PTGES3: variants seen among roughly 807,000 people sequenced by gnomAD.
The protein encoded by PTGES3 is Hsp90 co-chaperone.
A neutral mutation model predicts 29.9 loss-of-function variants in PTGES3; 5 were observed. That is an observed-to-expected ratio of 0.17 (90% CI 0.09 to 0.35). The LOEUF is 0.35. Ranked by LOEUF, PTGES3 falls within the 10% of genes least tolerant of loss-of-function variation. PTGES3 has a pLI of 1.00. For missense variants in PTGES3, 128 were observed against 190.0 expected, an observed-to-expected ratio of 0.67 and a Z score of 1.92; for synonymous variants, 49 against 57.8, an observed-to-expected ratio of 0.85 and a Z score of 0.69.
intron 6 of PTGES3, chr12:56,665,404 C>A (rs879661318): frequency 1.2e-6 from 1 of 861,866 alleles, no homozygotes; most frequent in Non-Finnish European, 1.4e-6. Context: ...AAGCGATTCT[C>A]CTGCCTCAGC....
Position 56,688,262 on chromosome 12 carries a change from G to A in PTGES3, c.-263C>T, listed in dbSNP as rs898605668. ...GCGAGGACGGAGAATGAACGTGCGT[G>A]CGTGCAAACGAGGGGTGGTGAGGCC... is the stretch of plus-strand genomic sequence containing the variant. On this transcript the variant is annotated 5_prime_UTR_variant, in exon 1 of 8. Transcript: ENST00000262033. 3 of 556,820 alleles carry A rather than the reference G, an allele frequency of 5.4e-6. No individual in the cohort carries two copies. The highest frequency in any genetic ancestry group is 8.1e-5 in the Admixed American group (2 of 24,714). The allele number at this position is 556,820 out of a possible 1,614,324, so 34.5% of individuals were successfully genotyped here.
At chr12:56,676,291 T>A (rs1050815428) in intron 1 of PTGES3, among the ~76,000 whole-genome samples, 1 of 151,028 alleles carries the variant, frequency 6.6e-6, no homozygotes, top group African/African-American at 2.4e-5. Flanking sequence ...AGAAGGCTTA[T>A]TTTTTTTCAC....
intron 1 of PTGES3, among the ~76,000 whole-genome samples, chr12:56,680,757 A>G (rs1213040390): frequency 6.8e-6 from 1 of 146,722 alleles, no homozygotes; most frequent in Non-Finnish European, 1.5e-5. Flanking sequence ...CCCTCCACCC[A>G]CTTGTAGTTT....
At chr12:56,674,733 G>A (rs1204705910) in intron 1 of PTGES3, among the ~76,000 whole-genome samples, 2 of 146,296 alleles carry the variant, frequency 1.4e-5, no homozygotes, top group African/African-American at 5.1e-5. Context: ...GGCTGAGACA[G>A]GAGAATGGCA....
intron 1 of PTGES3, among the ~76,000 whole-genome samples, chr12:56,675,005 A>AAAG (rs1952172864): frequency 2.7e-5 from 1 of 37,706 alleles, no homozygotes; most frequent in South Asian, 1.1e-3. Flanking sequence ...ACTCGGTCTC[A>AAAG]AAAAAAAAAA....
intron 1 of PTGES3, chr12:56,687,522 G>A (rs1402559201): frequency 2.0e-6 from 2 of 1,002,274 alleles, no homozygotes; most frequent in African/African-American, 1.7e-5. Context: ...AGGTCCGCGT[G>A]GGGCTCTCCC....
intron 1 of PTGES3, among the ~76,000 whole-genome samples, chr12:56,679,062 G>C (rs1952401462): frequency 6.6e-6 from 1 of 152,124 alleles, no homozygotes. Context: ...AGGTTATAGT[G>C]AGCATGGTTG....
chr12:56,673,964 AAAAC>A (rs1241648907), intron 1 of PTGES3, among the ~76,000 whole-genome samples: 4 of 151,984 alleles, frequency 2.6e-5, no homozygotes, highest in African/African-American at 7.2e-5. Context: ...ACTCTGTCTC[AAAAC>A]AAACAACAAC....
intron 1 of PTGES3, among the ~76,000 whole-genome samples, chr12:56,682,464 G>A (rs1952588305): frequency 6.6e-6 from 1 of 152,020 alleles, no homozygotes; most frequent in Non-Finnish European, 1.5e-5. Flanking sequence ...GGGGGACCAA[G>A]GCAGGAGGAT....
chr12:56,669,070 T>C (rs1425437502), intron 5 of PTGES3, among the ~76,000 whole-genome samples: 1 of 140,154 alleles, frequency 7.1e-6, no homozygotes, highest in Non-Finnish European at 1.5e-5. Flanking sequence ...AGTGCAGTGG[T>C]GTGATCTCGG....
At chr12:56,684,213 G>A (rs1952720012) in intron 1 of PTGES3, among the ~76,000 whole-genome samples, 1 of 152,102 alleles carries the variant, frequency 6.6e-6, no homozygotes, top group Non-Finnish European at 1.5e-5. Flanking sequence ...ATGATAGCTT[G>A]TAGATTTTTA....
At chr12:56,687,333 T>C (rs1296794460) in intron 1 of PTGES3, 23 of 988,772 alleles carry the variant, frequency 2.3e-5, no homozygotes, top group Non-Finnish European at 2.6e-5. Context: ...TGGTAACTCC[T>C]CCTCGCTGCC....
intron 1 of PTGES3, among the ~76,000 whole-genome samples, chr12:56,684,563 G>T (rs567752621): frequency 9.3e-4 from 142 of 152,154 alleles, no homozygotes; most frequent in Admixed American, 1.8e-3. Context: ...AATCAGAGAC[G>T]CAAGTTTCTG....
intron 5 of PTGES3, 71 bp from the exon 6 acceptor site, chr12:56,666,337 T>A: frequency 1.9e-6 from 3 of 1,551,324 alleles, no homozygotes; most frequent in Non-Finnish European, 2.6e-6. Flanking sequence ...GCTGTATGCT[T>A]CAGAATAAAC....
chr12:56,667,820 G>C (rs986439038), intron 5 of PTGES3, among the ~76,000 whole-genome samples: 12 of 152,138 alleles, frequency 7.9e-5, no homozygotes, highest in African/African-American at 2.9e-4. Flanking sequence ...AAAGATAGCT[G>C]GGCGTGGCCA....
In PTGES3 at chr12:56,686,824, A is replaced by C. The variant is rs1952885832; in HGVS notation, c.2+1174T>G. ...ATCCCTTTAGATTTCTAGCCAATAT[A>C]CTCAGCCTCAGTATCATGACTTGAA... is the stretch of plus-strand genomic sequence containing the variant. On this transcript the variant is annotated intron_variant, in intron 1 of 7. Transcript: ENST00000262033. The C allele has an allele frequency of 7.5e-6, 3 of 398,198 alleles. No homozygotes were observed. In the East Asian group the frequency reaches 1.1e-4, roughly 14 times the overall value. 24.7% of individuals were successfully genotyped at this position (398,198 alleles called of 1,614,324 possible). A position where few individuals can be genotyped will look rare whatever the true frequency, so the allele number is the denominator to read the frequency against.
intron 1 of PTGES3, chr12:56,687,696 T>G (rs1216798776): frequency 2.3e-6 from 3 of 1,313,754 alleles, no homozygotes; most frequent in South Asian, 3.7e-5. Context: ...TACCGGGAGC[T>G]TAAGGCCTAG....
Position 56,665,572 on chromosome 12 carries a change from G to A in PTGES3, c.438+632C>T, listed in dbSNP as rs887720495. The A allele has an allele frequency of 2.2e-5, 22 of 984,970 alleles. No homozygotes were observed. The South Asian group carries it at 6.1e-4, about 27-fold the overall frequency. 61.0% of individuals were successfully genotyped at this position (984,970 alleles called of 1,614,324 possible). A position where few individuals can be genotyped will look rare whatever the true frequency, so the allele number is the denominator to read the frequency against. On this transcript the variant is annotated intron_variant, in intron 6 of 7. Coordinates refer to ENST00000262033, the MANE Select transcript of PTGES3 (RefSeq NM_006601.7). ...CCTCCCAATGTCCATCTGTTTTATC[G>A]GTCTCTGACCAATCCTGACATAAAA...
intron 1 of PTGES3, among the ~76,000 whole-genome samples, chr12:56,680,867 T>G (rs1952501719): frequency 6.6e-6 from 1 of 151,818 alleles, no homozygotes; most frequent in Non-Finnish European, 1.5e-5. Flanking sequence ...AGCCTTGACT[T>G]CGCAGGCTCA....
Sources: gnomAD v4.1 joint callset for allele counts (sites outside exome capture counted in the v4.1 genomes callset) on GRCh38, gnomAD v4.1.1 for gene constraint, MANE v1.5 for transcripts, NCBI Gene and HGNC (gene_info 2026-07-23, HGNC 2026-07-21) for gene names.